MTA3: variants seen among roughly 807,000 people sequenced by gnomAD.
MTA3 encodes the protein metastasis-associated protein MTA3.
In MTA3, 34 loss-of-function variants were observed where a neutral mutation model predicts 83.5. The ratio of observed to expected loss-of-function variants is 0.41; its 90% CI spans 0.31 to 0.54. The LOEUF is 0.54. MTA3 is among the 20% of genes least tolerant of loss of function. The pLI, the probability that MTA3 is intolerant of heterozygous loss-of-function variation, is 0.33. For missense variants in MTA3, 761 were observed against 726.4 expected (o/e 1.05, Z -0.55); for synonymous variants, 303 against 252.7 (o/e 1.20, Z -1.89).
At chr2:42,648,480 G>A (rs933059784) in intron 6 of MTA3, among the ~76,000 whole-genome samples, 1 of 152,192 alleles carries the variant, frequency 6.6e-6, no homozygotes, top group African/African-American at 2.4e-5. Context: ...GCCAGGATAT[G>A]TTACAGGCTT....
intron 8 of MTA3, among the ~76,000 whole-genome samples, chr2:42,674,163 TC>T (rs1368799263): frequency 6.6e-6 from 1 of 152,100 alleles, no homozygotes; most frequent in Admixed American, 6.5e-5. Context: ...TTGTCAAGGC[TC>T]AGTTATGTCA....
chr2:42,503,691 C>G (rs1674499703), intron 2 of MTA3, among the ~76,000 whole-genome samples: 1 of 152,010 alleles, frequency 6.6e-6, no homozygotes, highest in Non-Finnish European at 1.5e-5. Context: ...CCCAGCAGGC[C>G]CCTAAGAGGG....
intron 14 of MTA3, among the ~76,000 whole-genome samples, chr2:42,713,514 A>G (rs1482071849): frequency 6.6e-6 from 1 of 152,092 alleles, no homozygotes; most frequent in Non-Finnish European, 1.5e-5. Context: ...TTGAATGGAT[A>G]CTGAAAAATT....
At chr2:42,595,171 G>A (rs1573135599) in intron 3 of MTA3, among the ~76,000 whole-genome samples, 1 of 136,066 alleles carries the variant, frequency 7.3e-6, no homozygotes, top group Non-Finnish European at 1.5e-5. Flanking sequence ...GTCCAGTGAC[G>A]CGATCTCAGC....
At chr2:42,679,447 A>C (rs920595275) in intron 8 of MTA3, among the ~76,000 whole-genome samples, 1 of 152,240 alleles carries the variant, frequency 6.6e-6, no homozygotes, top group Non-Finnish European at 1.5e-5. Context: ...AGGCTTCACT[A>C]AAGCACAGAG....
intron 3 of MTA3, among the ~76,000 whole-genome samples, chr2:42,602,876 G>A (rs1169720484): frequency 2.0e-5 from 3 of 152,096 alleles, no homozygotes; most frequent in Non-Finnish European, 1.5e-5. Flanking sequence ...TTTCCCTTCT[G>A]GTGTCCGTTC....
intron 4 of MTA3, among the ~76,000 whole-genome samples, chr2:42,625,744 C>G (rs1421031364): frequency 2.4e-5 from 3 of 125,944 alleles, no homozygotes; most frequent in African/African-American, 9.7e-5. Flanking sequence ...GAGACTCCAT[C>G]TCAAAAAAAA....
Position 42,745,824 on chromosome 2 carries a change from C to CTTTT in MTA3, c.1760-7545_1760-7542dup, listed in dbSNP as rs146921280. 9.2e-5 allele frequency among the ~76,000 whole-genome samples: 11 copies of CTTTT among 119,432 alleles called. 2 individuals are homozygous for CTTTT. Among genetic ancestry groups the CTTTT allele is most frequent in the African/African-American group, 1.9e-4 (6 of 31,012 alleles). 78.4% of individuals were successfully genotyped at this position (119,432 alleles called of 152,430 possible). A position where few individuals can be genotyped will look rare whatever the true frequency, so the allele number is the denominator to read the frequency against. On this transcript the variant is annotated intron_variant, in intron 16 of 16. Transcript: ENST00000405094. ...TTTTATGTCCTTTTGAAATAGTCCT[C>CTTTT]TTTTTTTTGAGACAGAGTCTCGCTC...
At chr2:42,600,128 G>A (rs1347395231) in intron 3 of MTA3, among the ~76,000 whole-genome samples, 2 of 152,100 alleles carry the variant, frequency 1.3e-5, no homozygotes, top group Admixed American at 1.3e-4. Flanking sequence ...AACCCAGGAG[G>A]CAGAGGTTGT....
chr2:42,584,324 C>A (rs1161219210), intron 3 of MTA3, among the ~76,000 whole-genome samples: 4 of 152,068 alleles, frequency 2.6e-5, no homozygotes, highest in Non-Finnish European at 5.9e-5. Flanking sequence ...GTCAAAGAAG[C>A]CTTACCTTTT....
At chr2:42,606,693 G>A (rs569320124) in intron 3 of MTA3, among the ~76,000 whole-genome samples, 1 of 151,794 alleles carries the variant, frequency 6.6e-6, no homozygotes, top group South Asian at 2.1e-4. Context: ...CTGGGCAGAG[G>A]CTGCAATCTC....
At position 42,747,293 on chromosome 2, in the gene MTA3, C is replaced by T. The variant is rs577008432; in HGVS notation, c.1760-6081C>T. 2.0e-5 allele frequency among the ~76,000 whole-genome samples: 3 copies of T among 152,262 alleles called. No individual in the cohort carries two copies. In the South Asian group the frequency reaches 6.2e-4, roughly 32 times the overall value. On this transcript the variant is annotated intron_variant, in intron 16 of 16. Transcript: ENST00000405094. ...GGGATTACAGGTGTGAGCCACTGCG[C>T]CTGGCCCCCTGTTCAGATTCTTCTT...
intron 8 of MTA3, among the ~76,000 whole-genome samples, chr2:42,665,763 G>A (rs1165214450): frequency 6.6e-6 from 1 of 152,220 alleles, no homozygotes; most frequent in Non-Finnish European, 1.5e-5. Flanking sequence ...GGAGCCTGAT[G>A]CGCCTTCTAG....
intron 16 of MTA3, among the ~76,000 whole-genome samples, chr2:42,750,143 A>G (rs1573853719): frequency 1.3e-5 from 2 of 152,098 alleles, no homozygotes; most frequent in South Asian, 2.1e-4. Flanking sequence ...GGTGCGCCCC[A>G]TAACACCTGG....
chr2:42,515,705 G>C (rs1675113813), intron 2 of MTA3, among the ~76,000 whole-genome samples: 1 of 151,818 alleles, frequency 6.6e-6, no homozygotes, highest in South Asian at 2.1e-4. Context: ...GTTTCACCAT[G>C]TTGGTCAGGC....
intron 15 of MTA3, among the ~76,000 whole-genome samples, chr2:42,720,977 AAAG>A (rs1371535225): frequency 9.9e-5 from 15 of 151,192 alleles, no homozygotes; most frequent in Non-Finnish European, 1.5e-4. Flanking sequence ...AAAAAAAAGA[AAAG>A]AAAAGAAAAA....
intron 16 of MTA3, among the ~76,000 whole-genome samples, chr2:42,740,804 A>G (rs974916264): frequency 6.6e-6 from 1 of 152,270 alleles, no homozygotes; most frequent in African/African-American, 2.4e-5. Flanking sequence ...GGCAGAATAG[A>G]TTAAGCATAA....
At chr2:42,565,430 A>T (rs1677868470), upstream of MTA3, among the ~76,000 whole-genome samples, 1 of 151,312 alleles carries the variant, frequency 6.6e-6, no homozygotes, top group Non-Finnish European at 1.5e-5. Context: ...GGCCTCCCAA[A>T]ATGCTGGGAT....
At chr2:42,508,858 ATATAT>A (rs199965410) in intron 2 of MTA3, among the ~76,000 whole-genome samples, 1,729 of 146,952 alleles carry the variant, frequency 0.012, 31 homozygotes, top group African/African-American at 0.04. Context: ...AAATTATTAA[ATATAT>A]TATATAATAT....
Sources: allele counts gnomAD v4.1 joint callset (sites outside exome capture counted in the v4.1 genomes callset), GRCh38; gene constraint gnomAD v4.1.1; transcripts MANE v1.5; gene names NCBI Gene and HGNC (gene_info 2026-07-23, HGNC 2026-07-21).